Variants in SCLT1 observed in about 807,000 individuals in gnomAD.
SCLT1 encodes sodium channel-associated protein 1.
A neutral mutation model predicts 112.8 loss-of-function variants in SCLT1; 78 were observed. The observed-to-expected ratio is 0.69, with a 90% CI of 0.58 to 0.83. The LOEUF (loss-of-function observed/expected upper bound fraction) is 0.83. Among genes scored for constraint, SCLT1 ranks in the 40% least tolerant of loss-of-function variants. The pLI is 0.00. For missense variants in SCLT1, 747 were observed against 770.4 expected (o/e 0.97, Z 0.36); for synonymous variants, 257 against 254.7 (o/e 1.01, Z -0.09).
Position 129,093,503 on chromosome 4 carries a change from A to G in SCLT1, c.-400T>C, listed in dbSNP as rs1257896048. 1.0e-5 allele frequency: 2 copies of G among 191,320 alleles called. No homozygotes were observed. The highest frequency in any genetic ancestry group is 5.9e-5 in the Admixed American group (1 of 16,882). The allele number at this position is 191,320 out of a possible 1,614,324, so 11.9% of individuals were successfully genotyped here. ...GGCGGGGGTTGGAGAGGACAACGCCAAGACGGCTGGGAAGCCCCAGGCCAG... is the reference window on the plus strand; with the variant it reads ...GGCGGGGGTTGGAGAGGACAACGCCGAGACGGCTGGGAAGCCCCAGGCCAG... On this transcript the variant is annotated 5_prime_UTR_variant, in exon 1 of 21. Transcript: ENST00000281142.
At chr4:128,999,921 A>G in intron 6 of SCLT1, 127 bp from the exon 7 acceptor site, 1 of 493,854 alleles carries the variant, frequency 2.0e-6, no homozygotes, top group South Asian at 5.7e-5. Flanking sequence ...CTGTGTAAAG[A>G]TGGTATTATA....
chr4:128,883,157 CAAAAA>C (rs34993678), downstream of SCLT1, among the ~76,000 whole-genome samples: 4 of 57,704 alleles, frequency 6.9e-5, no homozygotes, highest in Non-Finnish European at 1.1e-4. Flanking sequence ...ACAACAACAA[CAAAAA>C]AAAAAAAAAA....
chr4:129,014,975 A>T (rs1744861511), intron 5 of SCLT1, among the ~76,000 whole-genome samples: 1 of 151,584 alleles, frequency 6.6e-6, no homozygotes. Flanking sequence ...GGGCACTGGT[A>T]GGCACAGGTC....
At chr4:128,983,233 T>C (rs1276980675) in intron 9 of SCLT1, among the ~76,000 whole-genome samples, 1 of 152,166 alleles carries the variant, frequency 6.6e-6, no homozygotes, top group Admixed American at 6.6e-5. Context: ...TAACATTGGT[T>C]ATTCCTAGAA....
chr4:129,007,002 T>C (rs1191699781), intron 5 of SCLT1, among the ~76,000 whole-genome samples: 2 of 152,266 alleles, frequency 1.3e-5, no homozygotes, highest in African/African-American at 4.8e-5. Context: ...TTCTTTGACC[T>C]GTGAGTAACA....
intron 18 of SCLT1, among the ~76,000 whole-genome samples, chr4:128,907,252 AT>A (rs1316443668): frequency 6.6e-6 from 1 of 152,234 alleles, no homozygotes; most frequent in Non-Finnish European, 1.5e-5. Flanking sequence ...AGAAGTGACG[AT>A]TCGATTTGAA....
chr4:129,026,738 T>G (rs933862515), intron 5 of SCLT1, among the ~76,000 whole-genome samples: 2 of 152,118 alleles, frequency 1.3e-5, no homozygotes. Context: ...CAAAAAACCC[T>G]TCAAAAAATT....
intron 5 of SCLT1, among the ~76,000 whole-genome samples, chr4:129,026,256 A>G (rs141215196): frequency 0.16 from 24,193 of 152,132 alleles, 2,350 homozygotes; most frequent in East Asian, 0.31. Context: ...CATTATTTTC[A>G]GCACCACACC....
intron 18 of SCLT1, among the ~76,000 whole-genome samples, chr4:128,897,155 T>A (rs908663224): frequency 1.3e-5 from 2 of 152,070 alleles, no homozygotes; most frequent in African/African-American, 4.8e-5. Context: ...AACGTTCATA[T>A]TCAGGAAATA....
At chr4:128,939,391 A>C (rs1028195500) in intron 17 of SCLT1, among the ~76,000 whole-genome samples, 10 of 152,204 alleles carry the variant, frequency 6.6e-5, no homozygotes, top group Non-Finnish European at 1.5e-4. Flanking sequence ...CCTTTAGTAT[A>C]TACAATTCGA....
chr4:129,082,514 T>C (rs1018118793), intron 1 of SCLT1, 141 bp from the exon 2 acceptor site: 2 of 456,466 alleles, frequency 4.4e-6, no homozygotes, highest in Non-Finnish European at 7.8e-6. Flanking sequence ...ATCATCAGTT[T>C]CAATACACCA....
chr4:128,952,840 C>A lies in SCLT1; in HGVS notation c.1147G>T (p.Val383Phe). 1 of 1,476,270 alleles carries A rather than the reference C, an allele frequency of 6.8e-7. No individual in the cohort carries two copies. The highest frequency in any genetic ancestry group is 9.5e-7 in the Non-Finnish European group (1 of 1,054,984). 91.4% of individuals were successfully genotyped at this position (1,476,270 alleles called of 1,614,324 possible). A position where few individuals can be genotyped will look rare whatever the true frequency, so the allele number is the denominator to read the frequency against. Residue 383 changes from valine to phenylalanine, a missense_variant and splice_region_variant, in exon 14 of 21, where the codon GTT (valine) becomes TTT (phenylalanine). Transcript: ENST00000281142. Reference sequence around the variant, plus strand: ...TTACATTGTTTTTTGGTGTTTGCAACCTGTAAATTAAGACATTTACTCATT... The same window carrying A: ...TTACATTGTTTTTTGGTGTTTGCAAACTGTAAATTAAGACATTTACTCATT... ...QDATIRTKKE[V>F]ANTKKQCNIQ...
intron 2 of SCLT1, among the ~76,000 whole-genome samples, chr4:129,045,857 C>T (rs987046483): frequency 6.6e-6 from 1 of 151,912 alleles, no homozygotes; most frequent in African/African-American, 2.4e-5. Context: ...TGTGTAAGGG[C>T]CCATGGGAGG....
At chr4:129,035,099 C>T (rs944770571) in intron 5 of SCLT1, among the ~76,000 whole-genome samples, 3 of 152,098 alleles carry the variant, frequency 2.0e-5, no homozygotes, top group African/African-American at 7.2e-5. Context: ...TCTTACTTCA[C>T]CTAATATTAA....
In SCLT1 at chr4:129,025,758, T is replaced by C. The variant is rs980788669; in HGVS notation, c.290+13283A>G. Among the ~76,000 whole-genome samples the C allele has an allele frequency of 5.3e-5, 8 of 151,900 alleles. No homozygotes were observed. In the South Asian group the frequency reaches 8.4e-4, roughly 16 times the overall value. ...CAATTAAAAGACACAGACAGGCAAATTGGATAAAGAGTCAAGACACATCAG... is the reference window on the plus strand; with the variant it reads ...CAATTAAAAGACACAGACAGGCAAACTGGATAAAGAGTCAAGACACATCAG... On this transcript the variant is annotated intron_variant, in intron 5 of 20. Transcript: ENST00000281142.
At chr4:129,003,633 A>C (rs1321196434) in intron 6 of SCLT1, 108 bp downstream of exon 6, 1 of 906,742 alleles carries the variant, frequency 1.1e-6, no homozygotes, top group East Asian at 2.7e-5. Flanking sequence ...GTAAAAAATC[A>C]TAATGTTACA....
downstream of SCLT1, among the ~76,000 whole-genome samples, chr4:128,881,550 G>C (rs1560795964): frequency 1.3e-5 from 2 of 152,086 alleles, no homozygotes; most frequent in South Asian, 2.1e-4. Flanking sequence ...TGTATACAAA[G>C]GGAAGAAGAG....
At position 128,941,567 on chromosome 4, in the gene SCLT1, G is replaced by A. The variant is rs11940774; in HGVS notation, c.1632+1429C>T. On this transcript the variant is annotated intron_variant, in intron 17 of 20. Transcript: ENST00000281142. ...TAATTGGTAAAAGTTTTTATATTTTGGATATGAGTTCTCTTTTTGGTTATA... is the reference window on the plus strand; with the variant it reads ...TAATTGGTAAAAGTTTTTATATTTTAGATATGAGTTCTCTTTTTGGTTATA... Among the ~76,000 whole-genome samples, 1,252 of 151,306 alleles carry A rather than the reference G, an allele frequency of 8.3e-3. 21 individuals are homozygous for A. The highest frequency in any genetic ancestry group is 0.029 in the African/African-American group (1,200 of 41,290).
At chr4:129,064,175 G>A (rs925194771) in intron 2 of SCLT1, among the ~76,000 whole-genome samples, 5 of 151,814 alleles carry the variant, frequency 3.3e-5, no homozygotes, top group African/African-American at 4.8e-5. Context: ...GTTTTTTCTT[G>A]TTTGTTAAAC....
Sources: gnomAD v4.1 joint callset for allele counts (sites outside exome capture counted in the v4.1 genomes callset) on GRCh38, gnomAD v4.1.1 for gene constraint, MANE v1.5 for transcripts, NCBI Gene and HGNC (gene_info 2026-07-23, HGNC 2026-07-21) for gene names.